FGF13: variants seen among roughly 807,000 people sequenced by gnomAD.
The protein encoded by FGF13 is fibroblast growth factor 13, also known as fibroblast growth factor homologous factor 2.
A neutral mutation model predicts 19.5 loss-of-function variants in FGF13; 2 were observed. The ratio of observed to expected loss-of-function variants is 0.10; its 90% CI spans 0.04 to 0.32. FGF13 has a LOEUF of 0.32. Among genes scored for constraint, FGF13 ranks in the 10% least tolerant of loss-of-function variants. The probability of loss-of-function intolerance (pLI) is 1.00; values close to 1 mark genes in which losing one functional copy is unlikely to be tolerated. For missense variants in FGF13, 113 were observed against 192.7 expected, an observed-to-expected ratio of 0.59 and a Z score of 2.45; for synonymous variants, 72 against 76.9, an observed-to-expected ratio of 0.94 and a Z score of 0.33.
At chrX:138,782,374 T>C (rs963724363) in intron 3 of FGF13, among the ~76,000 whole-genome samples, 1 of 111,441 alleles carries the variant, frequency 9.0e-6, no homozygotes, top group Non-Finnish European at 1.9e-5. Context: ...AGTCAAATTG[T>C]CCCTGTTTGC....
chrX:139,004,714 G>A (rs1325465058), intron 1 of FGF13, among the ~76,000 whole-genome samples: 1 of 112,032 alleles, frequency 8.9e-6, no homozygotes, highest in East Asian at 2.8e-4. Flanking sequence ...TACCATGAAG[G>A]GTGAGTCCCA....
At chrX:138,971,007 G>A (rs1179930525) in intron 1 of FGF13, among the ~76,000 whole-genome samples, 1 of 111,837 alleles carries the variant, frequency 8.9e-6, no homozygotes, top group Non-Finnish European at 1.9e-5. Flanking sequence ...GTGGGTTCAT[G>A]ATGAACTGTA....
chrX:138,913,444 G>A (rs1049799102), intron 1 of FGF13, among the ~76,000 whole-genome samples: 2 of 109,882 alleles, frequency 1.8e-5, no homozygotes, highest in African/African-American at 6.6e-5. Flanking sequence ...GATTACAGGC[G>A]TGAGCCACCG....
intron 3 of FGF13, among the ~76,000 whole-genome samples, chrX:138,645,374 C>G (rs1052083871): frequency 2.5e-4 from 28 of 112,061 alleles, no homozygotes; most frequent in African/African-American, 9.1e-4. Flanking sequence ...TGCGCAACTT[C>G]AACGTTTGCT....
At chrX:138,791,341 G>A (rs1297301287) in intron 3 of FGF13, among the ~76,000 whole-genome samples, 2 of 112,121 alleles carry the variant, frequency 1.8e-5, no homozygotes, top group Non-Finnish European at 3.8e-5. Flanking sequence ...GTTAGTCACT[G>A]TCTGTTGAAT....
chrX:139,192,850 T>C (rs2084342504), intron 1 of FGF13, among the ~76,000 whole-genome samples: 1 of 111,584 alleles, frequency 9.0e-6, no homozygotes, highest in Non-Finnish European at 1.9e-5. Flanking sequence ...CTGCTTGACA[T>C]ACCACGAACA....
intron 1 of FGF13, among the ~76,000 whole-genome samples, chrX:139,040,982 A>C (rs1315695084): frequency 9.9e-6 from 1 of 100,845 alleles, no homozygotes. Flanking sequence ...ACATATTCTC[A>C]CTTGTAAGTG....
chrX:138,905,698 A>T lies in FGF13; in HGVS notation c.-112-41048T>A, dbSNP rs140891013. Among the ~76,000 whole-genome samples, 953 of 112,504 alleles carry T rather than the reference A, an allele frequency of 8.5e-3. 11 individuals are homozygous for T. The highest frequency in any genetic ancestry group is 0.029 in the African/African-American group (883 of 30,968). On this transcript the variant is annotated intron_variant, in intron 1 of 2. Transcript: ENST00000421460. The stretch of plus-strand genomic sequence containing the variant: ...CTAAAAACATGACCAGGAAGCCCTG[A>T]CATGCTCTGGCTTTGCAAAACACTT...
rs1044349642 is a variant in FGF13 at position 139,022,477 on chromosome X, C to T, written c.-112-157827G>A. ...CAATATTTTTTCTTCCGTTGGCTTC[C>T]CTCTACTCCGTCAAGTCCCTTTTTT... On this transcript the variant is annotated intron_variant, in intron 1 of 2. Transcript: ENST00000421460. Among the ~76,000 whole-genome samples, 3 of 111,539 alleles carry T rather than the reference C, an allele frequency of 2.7e-5. No homozygotes were observed. The Admixed American group carries it at 2.9e-4, about 11-fold the overall frequency.
chrX:138,821,261 TAGCAACA>T (rs2090997476), intron 3 of FGF13, among the ~76,000 whole-genome samples: 1 of 111,869 alleles, frequency 8.9e-6, no homozygotes, highest in African/African-American at 3.2e-5. Flanking sequence ...TGGTGTCCAC[TAGCAACA>T]TAAGGCTCTT....
chrX:139,082,584 A>T (rs1312028050), intron 1 of FGF13, among the ~76,000 whole-genome samples: 1 of 111,358 alleles, frequency 9.0e-6, no homozygotes, highest in African/African-American at 3.3e-5. Flanking sequence ...GATTAGAGTG[A>T]TGCAGACAAA....
intron 1 of FGF13, among the ~76,000 whole-genome samples, chrX:138,925,225 A>G (rs1276776285): frequency 9.0e-6 from 1 of 111,323 alleles, no homozygotes; most frequent in African/African-American, 3.3e-5. Context: ...TACTTTTGGG[A>G]CACTTGAAAC....
chrX:138,741,499 T>C (rs1300333859), upstream of FGF13, among the ~76,000 whole-genome samples: 1 of 111,824 alleles, frequency 8.9e-6, no homozygotes, highest in Non-Finnish European at 1.9e-5. Context: ...AGGGCCTTTG[T>C]GCTGCTCCCT....
intron 3 of FGF13, among the ~76,000 whole-genome samples, chrX:138,644,040 C>G (rs1023155491): frequency 6.3e-5 from 7 of 111,585 alleles, no homozygotes; most frequent in Non-Finnish European, 1.9e-5. Flanking sequence ...TTCTGAAGTA[C>G]ATGTTATCAG....
intron 3 of FGF13, among the ~76,000 whole-genome samples, chrX:138,757,178 G>A (rs949324760): frequency 1.2e-4 from 13 of 110,642 alleles, no homozygotes; most frequent in African/African-American, 3.9e-4. Flanking sequence ...TAGCATCCTG[G>A]TTTGACTCTT....
At chrX:138,739,417 A>G, upstream of FGF13, 1 of 475,736 alleles carries the variant, frequency 2.1e-6, no homozygotes, top group Non-Finnish European at 3.4e-6. Flanking sequence ...CTCTCAGTAT[A>G]GAGAGATCAT....
intron 3 of FGF13, among the ~76,000 whole-genome samples, chrX:138,807,443 G>A (rs1367959595): frequency 1.8e-5 from 2 of 111,268 alleles, no homozygotes; most frequent in Non-Finnish European, 3.8e-5. Flanking sequence ...CCTGAAGGAA[G>A]CACTAAACAT....
chrX:139,049,057 C>T (rs776098926), intron 1 of FGF13, among the ~76,000 whole-genome samples: 31 of 110,963 alleles, frequency 2.8e-4, no homozygotes, highest in Middle Eastern at 4.6e-3. Context: ...AAATGCACTT[C>T]GACGTGTTTA....
intron 1 of FGF13, among the ~76,000 whole-genome samples, chrX:139,005,166 G>A (rs1021518658): frequency 2.0e-5 from 2 of 99,216 alleles, no homozygotes; most frequent in Non-Finnish European, 4.1e-5. Context: ...GCCCACTGGC[G>A]TTGACCACAG....
Sources: gnomAD v4.1 joint callset for allele counts (sites outside exome capture counted in the v4.1 genomes callset) on GRCh38, gnomAD v4.1.1 for gene constraint, MANE v1.5 for transcripts, NCBI Gene and HGNC (gene_info 2026-07-23, HGNC 2026-07-21) for gene names.